Variants in NBEAL1 observed in about 807,000 individuals in gnomAD.
The protein encoded by NBEAL1 is neurobeachin-like protein 1.
A neutral mutation model predicts 351.3 loss-of-function variants in NBEAL1; 273 were observed. That is an observed-to-expected ratio of 0.78 (90% CI 0.70 to 0.86). NBEAL1 has a LOEUF of 0.86. Ranked by LOEUF, NBEAL1 falls within the 40% of genes least tolerant of loss-of-function variation. The probability of loss-of-function intolerance (pLI) is 0.00; values close to 1 mark genes in which losing one functional copy is unlikely to be tolerated. For synonymous variants in NBEAL1, 1,050 were observed against 1,086.4 expected (o/e 0.97, Z 0.66); for missense variants, 2,961 against 3,201.3 (o/e 0.92, Z 1.81).
chr2:203,204,089 C>T (rs2065480323), intron 51 of NBEAL1, among the ~76,000 whole-genome samples: 1 of 151,290 alleles, frequency 6.6e-6, no homozygotes, highest in African/African-American at 2.4e-5. Context: ...CCACCATGCC[C>T]AACTAATTTT....
At chr2:203,059,061 T>C (rs1158954591) in intron 6 of NBEAL1, among the ~76,000 whole-genome samples, 1 of 152,218 alleles carries the variant, frequency 6.6e-6, no homozygotes, top group Non-Finnish European at 1.5e-5. Flanking sequence ...TGCAACACGA[T>C]TGCAGCATTT....
At chr2:203,158,992 A>T (rs931772300) in intron 36 of NBEAL1, among the ~76,000 whole-genome samples, 55 of 150,632 alleles carry the variant, frequency 3.7e-4, no homozygotes, top group African/African-American at 1.3e-3. Flanking sequence ...TCATTTTTAA[A>T]TTTTTTTACG....
chr2:203,107,430 A>C lies in NBEAL1; in HGVS notation c.1280A>C (p.Lys427Thr), dbSNP rs2062462175. Residue 427 changes from lysine to threonine, a missense_variant, in exon 13 of 56, where the codon AAA becomes ACA. Transcript: ENST00000683969. ...NKSPAAKEVF[K>T]ERIGYTHMLE... ...CTTCCCATCCCCTAGGAAGTATTTA[A>C]AGAAAGAATTGGTTATACACATATG... 1 of 1,536,808 alleles carries C rather than the reference A, an allele frequency of 6.5e-7. No individual in the cohort carries two copies. The highest frequency in any genetic ancestry group is 8.8e-7 in the Non-Finnish European group (1 of 1,135,076).
intron 5 of NBEAL1, 89 bp downstream of exon 5, chr2:203,056,597 G>A: frequency 1.3e-6 from 1 of 793,654 alleles, no homozygotes; most frequent in Non-Finnish European, 2.1e-6. Flanking sequence ...ATGGAGTTTT[G>A]CTCTTGTTGC....
intron 2 of NBEAL1, among the ~76,000 whole-genome samples, chr2:203,024,167 G>A (rs1039325243): frequency 6.6e-6 from 1 of 150,408 alleles, no homozygotes; most frequent in Middle Eastern, 3.4e-3. Flanking sequence ...CTCTAGTCCA[G>A]CCTGGGTGAC....
At chr2:203,204,651 T>C (rs2065503236) in intron 51 of NBEAL1, among the ~76,000 whole-genome samples, 1 of 152,200 alleles carries the variant, frequency 6.6e-6, no homozygotes, top group South Asian at 2.1e-4. Flanking sequence ...GAAGTGTCTT[T>C]TCATGTTTGT....
At chr2:203,203,418 A>G (rs1307024660) in intron 51 of NBEAL1, among the ~76,000 whole-genome samples, 2 of 151,904 alleles carry the variant, frequency 1.3e-5, no homozygotes, top group African/African-American at 4.8e-5. Context: ...TCAGTGATCC[A>G]CCTGCCTTGG....
chr2:203,180,358 T>G, intron 42 of NBEAL1, 24 bp from the exon 43 acceptor site: 2 of 1,588,286 alleles, frequency 1.3e-6, no homozygotes, highest in Non-Finnish European at 1.7e-6. Flanking sequence ...CAATATTTAC[T>G]TCTCTTTTAA....
At chr2:203,112,745 C>T (rs1349342622) in intron 16 of NBEAL1, among the ~76,000 whole-genome samples, 2 of 152,064 alleles carry the variant, frequency 1.3e-5, no homozygotes, top group African/African-American at 2.4e-5. Flanking sequence ...TAATCATATG[C>T]ACTTTAAAAA....
rs1422057150 is a variant in NBEAL1, at chr2:203,056,490, A to T, written c.369A>T (p.Thr123=). ...ACATTAATTATGTCATCACCATGAC[A>T]ACACTCTATATTCAGCAAGTAGGTG... ...CSYINYVITM[T]TLYIQQLKSK... Residue 123 remains threonine, a synonymous_variant, in exon 5 of 56, where the codon ACA becomes ACT. Coordinates refer to ENST00000683969, the MANE Select transcript of NBEAL1 (RefSeq NM_001378026.1). 5 of 1,540,880 alleles carry T rather than the reference A, an allele frequency of 3.2e-6. No individual in the cohort carries two copies. Among genetic ancestry groups the T allele is most frequent in the Non-Finnish European group, 4.4e-6 (5 of 1,135,230 alleles).
chr2:203,137,913 G>A (rs1384085259), intron 29 of NBEAL1, among the ~76,000 whole-genome samples: 1 of 151,204 alleles, frequency 6.6e-6, no homozygotes, highest in Non-Finnish European at 1.5e-5. Context: ...GAACCCAGGA[G>A]GCAGAGGTTG....
chr2:203,031,914 G>T (rs1311975077), intron 2 of NBEAL1, among the ~76,000 whole-genome samples: 2 of 152,116 alleles, frequency 1.3e-5, no homozygotes, highest in Non-Finnish European at 2.9e-5. Context: ...CTCCCACATT[G>T]TACCATTGTT....
At chr2:203,108,979 C>A (rs1200506904) in intron 14 of NBEAL1, among the ~76,000 whole-genome samples, 1 of 152,054 alleles carries the variant, frequency 6.6e-6, no homozygotes, top group Non-Finnish European at 1.5e-5. Flanking sequence ...GAAGTTGAAG[C>A]TACAGTGAGC....
In NBEAL1 at chr2:203,083,293, G is replaced by T; in HGVS notation, c.759G>T (p.Trp253Cys). The T allele has an allele frequency of 6.4e-7, 1 of 1,552,898 alleles. No homozygotes were observed. The highest frequency in any genetic ancestry group is 2.4e-5 in the East Asian group (1 of 41,274). The stretch of plus-strand genomic sequence containing the variant: ...GAGTATTGGCAGATTGTGATTCCTG[G>T]GAGGATGGAGATCCTGAAGAAGTGG... ...LMRVLADCDS[W>C]EDGDPEEVGR... The change falls in exon 9 of 56, where the codon TGG becomes TGT. Residue 253 changes from tryptophan to cysteine, a missense_variant. Trp to Cys is a radical substitution (Grantham distance 215). Coordinates refer to ENST00000683969, the MANE Select transcript of NBEAL1 (RefSeq NM_001378026.1).
chr2:203,030,472 G>T (rs1485220714), intron 2 of NBEAL1, among the ~76,000 whole-genome samples: 2 of 151,938 alleles, frequency 1.3e-5, no homozygotes, highest in Non-Finnish European at 2.9e-5. Context: ...TAATAATAAA[G>T]AACAATTTAC....
At chr2:203,166,318 T>A (rs1296310418) in intron 37 of NBEAL1, 21 bp downstream of exon 37, 4 of 1,590,078 alleles carry the variant, frequency 2.5e-6, no homozygotes, top group East Asian at 4.5e-5. Context: ...CTGGAAAAAA[T>A]AATTTTTGCT....
At position 203,177,899 on chromosome 2, in the gene NBEAL1, A is replaced by G. The variant is rs994937731; in HGVS notation, c.6465-2483A>G. Among the ~76,000 whole-genome samples the G allele has an allele frequency of 4.0e-5, 6 of 151,894 alleles. No homozygotes were observed. In the South Asian group the frequency reaches 8.3e-4, roughly 21 times the overall value. On this transcript the variant is annotated intron_variant, in intron 42 of 55. Coordinates refer to ENST00000683969, the MANE Select transcript of NBEAL1 (RefSeq NM_001378026.1). ...CTGGGCGTGGTCGTGGGTGCCTGTA[A>G]TCCTAGCTACTCTGGAGGCTGAGGC... is the stretch of plus-strand genomic sequence containing the variant.
chr2:203,211,865 C>A (rs1383706594), intron 54 of NBEAL1, among the ~76,000 whole-genome samples: 1 of 151,914 alleles, frequency 6.6e-6, no homozygotes, highest in Non-Finnish European at 1.5e-5. Flanking sequence ...GAGAGAGATA[C>A]TGGAGTAGTG....
At chr2:203,128,176 C>G (rs1242011999) in intron 24 of NBEAL1, among the ~76,000 whole-genome samples, 1 of 151,614 alleles carries the variant, frequency 6.6e-6, no homozygotes, top group African/African-American at 2.4e-5. Context: ...CCTCCATCTC[C>G]CAGAAGGAGA....
Sources: gnomAD v4.1 joint callset for allele counts (sites outside exome capture counted in the v4.1 genomes callset) on GRCh38, gnomAD v4.1.1 for gene constraint, MANE v1.5 for transcripts, NCBI Gene and HGNC (gene_info 2026-07-23, HGNC 2026-07-21) for gene names.